CC2D2B: variants seen among roughly 807,000 people sequenced by gnomAD.
CC2D2B encodes protein CC2D2B.
Under a neutral mutation model 161.2 loss-of-function variants are expected in CC2D2B, and 128 were observed. That is an observed-to-expected ratio of 0.79 (90% CI 0.69 to 0.92). CC2D2B has a LOEUF of 0.92. Among genes scored for constraint, CC2D2B ranks in the 40% least tolerant of loss-of-function variants. The probability of loss-of-function intolerance (pLI) is 0.00; values close to 1 mark genes in which losing one functional copy is unlikely to be tolerated. For missense variants in CC2D2B, 1,173 were observed against 1,375.1 expected, an observed-to-expected ratio of 0.85 and a Z score of 2.32; for synonymous variants, 391 against 449.8, an observed-to-expected ratio of 0.87 and a Z score of 1.65.
At chr10:96,012,036 G>A in intron 26 of CC2D2B, 149 bp from the exon 27 acceptor site, 1 of 517,072 alleles carries the variant, frequency 1.9e-6, no homozygotes, top group Non-Finnish European at 3.4e-6. Flanking sequence ...CAGAGAACCT[G>A]CTCATTCTTG....
rs116129744 is a variant in CC2D2B at position 96,030,422 on chromosome 10, G to A, written c.4126-1398G>A. Among the ~76,000 whole-genome samples the A allele has an allele frequency of 7.8e-3, 1,191 of 152,086 alleles. 16 individuals carry two copies. Among genetic ancestry groups the A allele is most frequent in the African/African-American group, 0.026 (1,073 of 41,462 alleles). On this transcript the variant is annotated intron_variant, in intron 34 of 34. Coordinates refer to ENST00000646931, the MANE Select transcript of CC2D2B (RefSeq NM_001349008.3). The stretch of plus-strand genomic sequence containing the variant: ...TTTTGAAAACCTCAGCCTCCCAAGA[G>A]TGAGACTCCTTCCCCTTACCATGCA...
chr10:95,995,179 T>C, intron 22 of CC2D2B, 90 bp from the exon 23 acceptor site: 1 of 615,866 alleles, frequency 1.6e-6, no homozygotes, highest in Non-Finnish European at 2.7e-6. Context: ...CTTATATATC[T>C]TCATAAGCAC....
At chr10:95,994,656 C>T (rs1057097651) in intron 22 of CC2D2B, among the ~76,000 whole-genome samples, 4 of 152,320 alleles carry the variant, frequency 2.6e-5, no homozygotes, top group East Asian at 3.9e-4. Context: ...AGCCCTCAAG[C>T]GGCCCTTATG....
intron 17 of CC2D2B, among the ~76,000 whole-genome samples, chr10:95,980,867 G>A: frequency 6.6e-6 from 1 of 152,098 alleles, no homozygotes; most frequent in East Asian, 1.9e-4. Flanking sequence ...AACCTTTCTG[G>A]ACTACTTTAT....
chr10:95,940,824 CA>C (rs2141282146), intron 9 of CC2D2B, among the ~76,000 whole-genome samples: 1 of 152,120 alleles, frequency 6.6e-6, no homozygotes, highest in African/African-American at 2.4e-5. Flanking sequence ...AGACTTAGAG[CA>C]ATCCATTTCA....
chr10:96,007,940 G>C (rs898180524), intron 25 of CC2D2B, among the ~76,000 whole-genome samples: 13 of 152,030 alleles, frequency 8.6e-5, no homozygotes, highest in Middle Eastern at 3.2e-3. Context: ...TGATTAGCAT[G>C]CAATAATCTG....
rs1396489165 is a variant in CC2D2B at position 95,924,315 on chromosome 10, T to C, written c.99T>C (p.Asp33=). 7 of 1,493,878 alleles carry C rather than the reference T, an allele frequency of 4.7e-6. No individual in the cohort carries two copies. The highest frequency in any genetic ancestry group is 2.5e-5 in the East Asian group (1 of 39,284). 92.5% of individuals were successfully genotyped at this position (1,493,878 alleles called of 1,614,324 possible). ...EEIIDKHLQK[D]LDAEENQNVA... ...TTTATTATGTTGGTTTCCTGATAGA[T>C]TTAGATGCAGAAGAAAATCAAAATG... The change falls in exon 4 of 35, where the codon GAT becomes GAC. Residue 33 remains aspartate, a splice_region_variant and synonymous_variant. Transcript: ENST00000646931.
intron 33 of CC2D2B, among the ~76,000 whole-genome samples, chr10:96,025,174 T>TA (rs1564683948): frequency 1.3e-4 from 2 of 15,086 alleles, no homozygotes; most frequent in Admixed American, 9.0e-4. Flanking sequence ...TATATATATA[T>TA]ATATATATAT....
intron 6 of CC2D2B, among the ~76,000 whole-genome samples, chr10:95,931,025 A>G (rs1266691873): frequency 6.6e-6 from 1 of 151,834 alleles, no homozygotes; most frequent in Non-Finnish European, 1.5e-5. Flanking sequence ...TGGGCTTTTT[A>G]TGGTTGGTAG....
chr10:95,939,010 C>A (rs1590455175), intron 9 of CC2D2B, 85 bp downstream of exon 9: 2 of 574,562 alleles, frequency 3.5e-6, no homozygotes, highest in Non-Finnish European at 6.2e-6. Flanking sequence ...GTTGATTTAT[C>A]CTTTAAAGAT....
chr10:95,971,334 A>G (rs1418877015), intron 15 of CC2D2B, among the ~76,000 whole-genome samples: 1 of 151,176 alleles, frequency 6.6e-6, no homozygotes, highest in Non-Finnish European at 1.5e-5. Flanking sequence ...GGTTGCAGTG[A>G]GCAGTGATTG....
chr10:95,918,071 C>G (rs900178473), intron 2 of CC2D2B, among the ~76,000 whole-genome samples: 4 of 152,118 alleles, frequency 2.6e-5, no homozygotes, highest in Non-Finnish European at 5.9e-5. Context: ...GCCACCGTGC[C>G]CAGCCTAAAA....
intron 19 of CC2D2B, among the ~76,000 whole-genome samples, chr10:95,984,996 A>G (rs2077664288): frequency 6.6e-6 from 1 of 152,234 alleles, no homozygotes; most frequent in Non-Finnish European, 1.5e-5. Flanking sequence ...ATACCAGTAA[A>G]AACCCACTAA....
At chr10:95,935,927 T>G (rs1041396996) in intron 6 of CC2D2B, among the ~76,000 whole-genome samples, 5 of 152,228 alleles carry the variant, frequency 3.3e-5, no homozygotes, top group Non-Finnish European at 5.9e-5. Flanking sequence ...ATTTTCTTCC[T>G]GGAATATGTT....
intron 30 of CC2D2B, among the ~76,000 whole-genome samples, chr10:96,017,285 A>T (rs2079245256): frequency 6.6e-6 from 1 of 152,096 alleles, no homozygotes; most frequent in South Asian, 2.1e-4. Flanking sequence ...ATGATGATTT[A>T]TTTCCCTGTA....
chr10:95,938,381 A>G (rs2075901878), intron 7 of CC2D2B, 188 bp from the exon 8 acceptor site: 1 of 609,746 alleles, frequency 1.6e-6, no homozygotes, highest in Admixed American at 3.1e-5. Flanking sequence ...AAAAATGTAC[A>G]TATATAGGCA....
At chr10:95,959,776 T>C (rs2076699567) in intron 11 of CC2D2B, among the ~76,000 whole-genome samples, 1 of 152,182 alleles carries the variant, frequency 6.6e-6, no homozygotes, top group African/African-American at 2.4e-5. Context: ...TAGTGTAATT[T>C]AACATACTAA....
rs868361651 is a variant in CC2D2B at position 96,029,272 on chromosome 10, A to G, written c.4125+1883A>G. On this transcript the variant is annotated intron_variant, in intron 34 of 34. Coordinates refer to ENST00000646931, the MANE Select transcript of CC2D2B (RefSeq NM_001349008.3). ...TATATATATATATATATATATATAT[A>G]TATATATATATATGTATATATATAT... Among the ~76,000 whole-genome samples, 296 of 63,748 alleles carry G rather than the reference A, an allele frequency of 4.6e-3. 1 individual carries two copies. Among genetic ancestry groups the G allele is most frequent in the African/African-American group, 0.018 (273 of 15,256 alleles). The allele number at this position is 63,748 out of a possible 152,430, so 41.8% of individuals were successfully genotyped here.
At chr10:95,953,606 G>A (rs531427380) in intron 10 of CC2D2B, among the ~76,000 whole-genome samples, 1 of 152,232 alleles carries the variant, frequency 6.6e-6, no homozygotes, top group South Asian at 2.1e-4. Context: ...TCTACCCCAA[G>A]TTTATCAATT....
Sources: gnomAD v4.1 joint callset for allele counts (sites outside exome capture counted in the v4.1 genomes callset) on GRCh38, gnomAD v4.1.1 for gene constraint, MANE v1.5 for transcripts, NCBI Gene and HGNC (gene_info 2026-07-23, HGNC 2026-07-21) for gene names.